GLIS3: variants seen among roughly 807,000 people sequenced by gnomAD.
GLIS3 encodes GLIS family zinc finger 3, also known as zinc finger protein GLIS3.
GLIS3 carries 53 observed loss-of-function variants against 78.6 expected under a neutral mutation model. That is an observed-to-expected ratio of 0.67 (90% CI 0.54 to 0.85). The LOEUF is 0.85. GLIS3 is among the 40% of genes least tolerant of loss of function. The pLI is 0.00. For synonymous variants in GLIS3, 684 were observed against 509.9 expected, an observed-to-expected ratio of 1.34 and a Z score of -4.60; for missense variants, 1,703 against 1,231.1, an observed-to-expected ratio of 1.38 and a Z score of -5.74.
At chr9:3,941,369 ATTTAT>A (rs1301637487) in intron 4 of GLIS3, among the ~76,000 whole-genome samples, 6 of 151,628 alleles carry the variant, frequency 4.0e-5, no homozygotes, top group South Asian at 4.2e-4. Flanking sequence ...TTATTTATTT[ATTTAT>A]TTTATTTTTT....
At chr9:4,076,856 A>C (rs1260798140) in intron 4 of GLIS3, among the ~76,000 whole-genome samples, 3 of 152,296 alleles carry the variant, frequency 2.0e-5, no homozygotes, top group Middle Eastern at 6.8e-3. Flanking sequence ...CAGGAGTTTG[A>C]GACGAGCTTG....
At chr9:4,136,066 C>A (rs1369559128) in intron 2 of GLIS3, among the ~76,000 whole-genome samples, 1 of 152,110 alleles carries the variant, frequency 6.6e-6, no homozygotes, top group Non-Finnish European at 1.5e-5. Context: ...ATAACCGGCT[C>A]CTATATTCAG....
chr9:4,279,354 C>T (rs1385411677), intron 2 of GLIS3, among the ~76,000 whole-genome samples: 1 of 58,576 alleles, frequency 1.7e-5, no homozygotes, highest in Non-Finnish European at 4.0e-5. Context: ...CACACACACA[C>T]ACACACACAT....
At position 4,115,509 on chromosome 9, in the gene GLIS3, AT is replaced by A. The variant is rs933404683; in HGVS notation, c.1710+2258del. ...TGTTTTGCAAAAGGCAGAAAAATACATTTTTTTCCAGGTGCATATCTACTTT... is the reference window on the plus strand; with the variant it reads ...TGTTTTGCAAAAGGCAGAAAAATACATTTTTTCCAGGTGCATATCTACTTT... On this transcript the variant is annotated intron_variant, in intron 4 of 10. Coordinates refer to ENST00000381971, the MANE Select transcript of GLIS3 (RefSeq NM_001042413.2). 7.9e-5 allele frequency among the ~76,000 whole-genome samples: 12 copies of A among 152,132 alleles called. No homozygotes were observed. The East Asian group carries it at 9.7e-4, about 12-fold the overall frequency.
At chr9:4,214,771 A>T (rs2131309792) in intron 2 of GLIS3, among the ~76,000 whole-genome samples, 1 of 152,332 alleles carries the variant, frequency 6.6e-6, no homozygotes, top group East Asian at 1.9e-4. Context: ...GGCTTGTTAC[A>T]CCATTGAGAT....
chr9:4,044,698 G>A (rs1211823750), intron 4 of GLIS3, among the ~76,000 whole-genome samples: 1 of 152,192 alleles, frequency 6.6e-6, no homozygotes. Flanking sequence ...GGGCATGACT[G>A]AGGGTGACTG....
At chr9:4,230,106 G>C (rs1359467551) in intron 2 of GLIS3, among the ~76,000 whole-genome samples, 1 of 152,198 alleles carries the variant, frequency 6.6e-6, no homozygotes, top group Non-Finnish European at 1.5e-5. Context: ...AAATGGTATA[G>C]GTCAGGTCAA....
chr9:4,281,387 CT>C (rs59920882), intron 2 of GLIS3, among the ~76,000 whole-genome samples: 53,600 of 151,992 alleles, frequency 0.35, 9,737 homozygotes, highest in Admixed American at 0.41. Flanking sequence ...ATCTCCAAAA[CT>C]TTTCCATCCT....
chr9:3,917,165 T>C (rs1306574483), intron 6 of GLIS3, among the ~76,000 whole-genome samples: 1 of 152,236 alleles, frequency 6.6e-6, no homozygotes, highest in Non-Finnish European at 1.5e-5. Context: ...AATGAAAAAC[T>C]GAGGTTTTCA....
chr9:3,907,368 C>A (rs1252693846), intron 6 of GLIS3, among the ~76,000 whole-genome samples: 4 of 152,152 alleles, frequency 2.6e-5, no homozygotes, highest in African/African-American at 7.2e-5. Context: ...AAGCTACAAT[C>A]TCCTAGTTAG....
chr9:4,079,366 A>G (rs961225339), intron 4 of GLIS3, among the ~76,000 whole-genome samples: 1 of 152,180 alleles, frequency 6.6e-6, no homozygotes, highest in African/African-American at 2.4e-5. Flanking sequence ...ACTGTCTTGT[A>G]CTTCCTCTGA....
intron 2 of GLIS3, among the ~76,000 whole-genome samples, chr9:4,267,416 C>T (rs899263487): frequency 3.3e-5 from 5 of 152,116 alleles, no homozygotes; most frequent in Non-Finnish European, 7.4e-5. Flanking sequence ...CAGTGCTTTG[C>T]CAGTTCCTCA....
intron 1 of GLIS3, among the ~76,000 whole-genome samples, chr9:4,292,350 C>T (rs1314659233): frequency 6.6e-6 from 1 of 152,030 alleles, no homozygotes; most frequent in Non-Finnish European, 1.5e-5. Context: ...CCTATCTGCC[C>T]ATTTGTATGC....
intron 4 of GLIS3, among the ~76,000 whole-genome samples, chr9:4,007,220 C>T (rs929298318): frequency 2.0e-5 from 3 of 152,102 alleles, no homozygotes; most frequent in African/African-American, 7.2e-5. Context: ...GCCTCAGAAG[C>T]CCCTAAAATA....
chr9:4,001,197 T>C lies in GLIS3; in HGVS notation c.1711-64008A>G, dbSNP rs115668306. Among the ~76,000 whole-genome samples the C allele has an allele frequency of 2.0e-3, 307 of 152,284 alleles. 2 individuals are homozygous for C. The highest frequency in any genetic ancestry group is 7.2e-3 in the African/African-American group (301 of 41,556). On this transcript the variant is annotated intron_variant, in intron 4 of 10. Transcript: ENST00000381971. Reference sequence around the variant, plus strand: ...CCTGGCATGTTACATATACTTAAATTATATCTGACGAATAAATGAACAAAT... The same window carrying C: ...CCTGGCATGTTACATATACTTAAATCATATCTGACGAATAAATGAACAAAT...
intron 4 of GLIS3, among the ~76,000 whole-genome samples, chr9:4,057,726 C>T (rs1418097648): frequency 6.6e-6 from 1 of 151,956 alleles, no homozygotes; most frequent in Non-Finnish European, 1.5e-5. Flanking sequence ...AAATAGTTTA[C>T]TCAACTTTTT....
chr9:3,975,429 G>C (rs1250736185), intron 4 of GLIS3, among the ~76,000 whole-genome samples: 1 of 152,192 alleles, frequency 6.6e-6, no homozygotes, highest in Non-Finnish European at 1.5e-5. Context: ...TGTTTAGTAA[G>C]AGCCATTACT....
intron 2 of GLIS3, among the ~76,000 whole-genome samples, chr9:4,149,608 G>A (rs879944163): frequency 6.6e-6 from 1 of 152,214 alleles, no homozygotes; most frequent in Non-Finnish European, 1.5e-5. Flanking sequence ...TGTCAGGCAT[G>A]CAAGTACAAA....
the GLIS3 span, among the ~76,000 whole-genome samples, chr9:4,440,496 T>C: frequency 1.2e-4 from 19 of 152,318 alleles, no homozygotes; most frequent in Non-Finnish European, 2.2e-4. Context: ...TGGCTGTAAA[T>C]TGTGGATTTA....
Sources: gnomAD v4.1 joint callset for allele counts (sites outside exome capture counted in the v4.1 genomes callset) on GRCh38, gnomAD v4.1.1 for gene constraint, MANE v1.5 for transcripts, NCBI Gene and HGNC (gene_info 2026-07-23, HGNC 2026-07-21) for gene names.